CHD1L: variants seen among roughly 807,000 people sequenced by gnomAD.
The protein encoded by CHD1L is chromodomain helicase DNA binding protein 1 like, also known as ATP-dependent chromatin remodeler CHD1L.
CHD1L carries 118 observed loss-of-function variants against 115.9 expected under a neutral mutation model. That is an observed-to-expected ratio of 1.02 (90% CI 0.88 to 1.19). CHD1L has a LOEUF of 1.19. Among genes scored for constraint, CHD1L ranks in the 50% most tolerant of loss-of-function variants. The pLI is 0.00. For missense variants in CHD1L, 1,179 were observed against 1,065.3 expected, an observed-to-expected ratio of 1.11 and a Z score of -1.49; for synonymous variants, 411 against 387.1, an observed-to-expected ratio of 1.06 and a Z score of -0.72.
chr1:147,281,396 C>A (rs1680786686), intron 15 of CHD1L, among the ~76,000 whole-genome samples: 1 of 152,098 alleles, frequency 6.6e-6, no homozygotes, highest in Non-Finnish European at 1.5e-5. Context: ...TTTCTCTTAA[C>A]TTCCATAAGT....
At chr1:147,246,509 T>C (rs1381549738) in intron 1 of CHD1L, among the ~76,000 whole-genome samples, 1 of 152,244 alleles carries the variant, frequency 6.6e-6, no homozygotes, top group Non-Finnish European at 1.5e-5. Context: ...TGTACTATTT[T>C]ACATTCCCAC....
At chr1:147,212,917 TTA>T in the CHD1L span, among the ~76,000 whole-genome samples, 2 of 151,256 alleles carry the variant, frequency 1.3e-5, no homozygotes, top group African/African-American at 2.4e-5. Context: ...GCTTTTTTTT[TTA>T]AAATGAAAAT....
chr1:147,267,635 A>G, intron 9 of CHD1L, 117 bp downstream of exon 9: 1 of 728,378 alleles, frequency 1.4e-6, no homozygotes. Context: ...GTTTATTCTC[A>G]ATTTCTCTGT....
intron 16 of CHD1L, 47 bp from the exon 17 acceptor site, chr1:147,285,277 G>T: frequency 6.3e-7 from 1 of 1,582,594 alleles, no homozygotes; most frequent in Non-Finnish European, 8.6e-7. Flanking sequence ...ATGAAATTCG[G>T]GGAGGAATCT....
Position 147,276,139 on chromosome 1 carries a change from C to T in CHD1L, c.1421C>T (p.Thr474Ile), listed in dbSNP as rs1553957643. The change falls in exon 14 of 23, where the codon ACT becomes ATT. Residue 474 changes from threonine (T) to isoleucine (I), a missense_variant. Thr to Ile is a moderately conservative substitution (Grantham distance 89). Coordinates refer to ENST00000369258, the MANE Select transcript of CHD1L (RefSeq NM_004284.6). Reference protein sequence around the residue: ...VKVIRLIGRDTVEEIVYRKAA... With the variant: ...VKVIRLIGRDIVEEIVYRKAA... ...GTTATTCGGCTGATTGGTCGAGACACTGTGGAAGAAATAGTCTATAGGAAA... is the reference window on the plus strand; with the variant it reads ...GTTATTCGGCTGATTGGTCGAGACATTGTGGAAGAAATAGTCTATAGGAAA... The T allele has an allele frequency of 5.6e-6, 9 of 1,614,166 alleles. No homozygotes were observed. The highest frequency in any genetic ancestry group is 1.3e-5 in the African/African-American group (1 of 75,032).
At chr1:147,178,563 T>C in the CHD1L span, 1 of 1,609,496 alleles carries the variant, frequency 6.2e-7, no homozygotes, top group South Asian at 1.1e-5. Flanking sequence ...AATTCATTAG[T>C]GATAAAGATG....
At chr1:147,283,133 C>T (rs1681580274) in intron 15 of CHD1L, among the ~76,000 whole-genome samples, 1 of 152,140 alleles carries the variant, frequency 6.6e-6, no homozygotes, top group Non-Finnish European at 1.5e-5. Flanking sequence ...GAATTGCATG[C>T]AGTATGAAGC....
At chr1:147,203,683 A>C in the CHD1L span, 1 of 1,478,676 alleles carries the variant, frequency 6.8e-7, no homozygotes, top group Middle Eastern at 1.8e-4. Flanking sequence ...TGGCTAATTC[A>C]ATTTCTGTTG....
chr1:147,207,614 T>A, the CHD1L span, among the ~76,000 whole-genome samples: 1 of 152,230 alleles, frequency 6.6e-6, no homozygotes, highest in South Asian at 2.1e-4. Flanking sequence ...ACTTAGTTTC[T>A]CTACATCTCA....
intron 6 of CHD1L, chr1:147,261,063 G>GT (rs1671750638): frequency 6.6e-6 from 1 of 152,168 alleles, no homozygotes; most frequent in Non-Finnish European, 1.5e-5. Flanking sequence ...GAAAGTTGTA[G>GT]TTTTTAGAGT....
chr1:147,211,594 A>G, the CHD1L span: 1 of 152,262 alleles, frequency 6.6e-6, no homozygotes, highest in Non-Finnish European at 1.5e-5. Context: ...TGGCTTAATT[A>G]AAGTTACTAA....
chr1:147,256,400 CT>C (rs1205945096), intron 4 of CHD1L, 130 bp from the exon 5 acceptor site: 94 of 805,394 alleles, frequency 1.2e-4, no homozygotes, highest in African/African-American at 8.3e-4. Flanking sequence ...ATTCTCAGAA[CT>C]TTTTTTTACT....
chr1:147,184,531 C>T, the CHD1L span: 8 of 1,548,134 alleles, frequency 5.2e-6, no homozygotes, highest in Admixed American at 6.0e-5. The surrounding 1 kb of genome is among the most constrained non-coding windows in gnomAD (Gnocchi z 4.4). Context: ...GACAATTTCT[C>T]AGACTTTCTT....
the CHD1L span, among the ~76,000 whole-genome samples, chr1:147,222,895 CT>C: frequency 4.6e-5 from 7 of 152,206 alleles, no homozygotes; most frequent in Non-Finnish European, 7.3e-5. Context: ...TTTTCAGTAA[CT>C]GCCAAAACTG....
chr1:147,248,214 T>TTC (rs1316342484), intron 1 of CHD1L, among the ~76,000 whole-genome samples: 7 of 151,616 alleles, frequency 4.6e-5, no homozygotes, highest in Non-Finnish European at 1.0e-4. Context: ...AGTCTTATTT[T>TTC]TTTTTTCTTT....
At chr1:147,204,784 T>C in the CHD1L span, 7 of 1,584,834 alleles carry the variant, frequency 4.4e-6, no homozygotes, top group African/African-American at 9.4e-5. Context: ...TTTCATTCCA[T>C]TTCGTCCATA....
At chr1:147,230,715 ACTT>A in the CHD1L span, among the ~76,000 whole-genome samples, 1 of 148,602 alleles carries the variant, frequency 6.7e-6, no homozygotes, top group African/African-American at 2.5e-5. Context: ...CAGAGATTCA[ACTT>A]CTTCCCGGTT....
At chr1:147,186,104 A>G in the CHD1L span, among the ~76,000 whole-genome samples, 5,693 of 152,288 alleles carry the variant, frequency 0.037, 153 homozygotes, top group South Asian at 0.094. Context: ...GCTACTTATC[A>G]TATTTCCTAA....
chr1:147,218,892 A>G, the CHD1L span, among the ~76,000 whole-genome samples: 2 of 152,232 alleles, frequency 1.3e-5, no homozygotes, highest in African/African-American at 4.8e-5. Context: ...TAATTTCTCC[A>G]GAGAATTAGA....
Sources: allele counts gnomAD v4.1 joint callset (sites outside exome capture counted in the v4.1 genomes callset), GRCh38; gene constraint gnomAD v4.1.1; non-coding constraint Gnocchi (gnomAD v3.1); transcripts MANE v1.5; gene names NCBI Gene and HGNC (gene_info 2026-07-23, HGNC 2026-07-21).